LOC400499: variants seen among roughly 807,000 people sequenced by gnomAD.
At chr16:11,389,226 C>T in the LOC400499 span, among the ~76,000 whole-genome samples, 15 of 152,318 alleles carry the variant, frequency 9.8e-5, no homozygotes, top group African/African-American at 2.9e-4. Flanking sequence ...ATGGCCACAC[C>T]GTTTCATAGG....
chr16:11,411,226 G>C, the LOC400499 span: 20 of 399,294 alleles, frequency 5.0e-5, no homozygotes, highest in Admixed American at 7.5e-4. Context: ...TTAGGAGCCA[G>C]GCAGCTGGGG....
chr16:11,408,593 G>A, the LOC400499 span, among the ~76,000 whole-genome samples: 57 of 151,774 alleles, frequency 3.8e-4, no homozygotes, highest in African/African-American at 1.3e-3. Context: ...CAGCCTCCCT[G>A]GTAGCTGAGA....
chr16:11,451,923 C>T, the LOC400499 span, among the ~76,000 whole-genome samples: 7 of 152,116 alleles, frequency 4.6e-5, no homozygotes, highest in African/African-American at 9.7e-5. Flanking sequence ...CCACGGGAAG[C>T]GGGAAGATGG....
the LOC400499 span, among the ~76,000 whole-genome samples, chr16:11,466,371 T>C: frequency 6.7e-6 from 1 of 149,912 alleles, no homozygotes; most frequent in Non-Finnish European, 1.5e-5. Context: ...TCTTTAATTT[T>C]CTTTAATTTT....
At chr16:11,463,488 G>A in the LOC400499 span, among the ~76,000 whole-genome samples, 1 of 152,196 alleles carries the variant, frequency 6.6e-6, no homozygotes, top group East Asian at 1.9e-4. Context: ...ACAGACATGT[G>A]GGTGCATACA....
the LOC400499 span, among the ~76,000 whole-genome samples, chr16:11,511,526 A>G: frequency 6.6e-6 from 1 of 152,236 alleles, no homozygotes; most frequent in African/African-American, 2.4e-5. Context: ...AAAGAAAAAA[A>G]TCCAATTCAT....
At chr16:11,484,243 G>C in the LOC400499 span, among the ~76,000 whole-genome samples, 1 of 151,886 alleles carries the variant, frequency 6.6e-6, no homozygotes, top group East Asian at 1.9e-4. Context: ...TCCTGACCTC[G>C]TGATCCGCCT....
the LOC400499 span, among the ~76,000 whole-genome samples, chr16:11,404,452 T>A: frequency 6.6e-6 from 1 of 152,112 alleles, no homozygotes; most frequent in Non-Finnish European, 1.5e-5. Flanking sequence ...GTTCAAGCGA[T>A]TCTCCTGCCT....
At chr16:11,487,534 C>A in the LOC400499 span, 3 of 395,048 alleles carry the variant, frequency 7.6e-6, no homozygotes, top group Non-Finnish European at 1.3e-5. Context: ...AGCCTTTAAG[C>A]CTTTTCAAGA....
chr16:11,469,817 A>G, the LOC400499 span: 1 of 394,292 alleles, frequency 2.5e-6, no homozygotes, highest in Non-Finnish European at 4.5e-6. Context: ...GCCCAGGACC[A>G]TGTCCACAGG....
chr16:11,383,252 A>G, the LOC400499 span, among the ~76,000 whole-genome samples: 63 of 152,228 alleles, frequency 4.1e-4, no homozygotes, highest in Middle Eastern at 0.02. Context: ...TATTTTTAGT[A>G]GAGACGGGGT....
At chr16:11,483,231 C>T in the LOC400499 span, among the ~76,000 whole-genome samples, 1 of 152,152 alleles carries the variant, frequency 6.6e-6, no homozygotes, top group Non-Finnish European at 1.5e-5. Context: ...ATAGTACAAC[C>T]ACTTGGGAGA....
chr16:11,397,927 T>TA, the LOC400499 span, among the ~76,000 whole-genome samples: 2 of 151,588 alleles, frequency 1.3e-5, no homozygotes, highest in Admixed American at 1.3e-4. Context: ...GAAGGATGCG[T>TA]AAAGGAATGG....
chr16:11,462,413 C>G, the LOC400499 span: 3 of 1,315,990 alleles, frequency 2.3e-6, no homozygotes, highest in South Asian at 6.6e-5. Flanking sequence ...TAACAACCTT[C>G]TACACCGATC....
chr16:11,395,075 T>C, the LOC400499 span, among the ~76,000 whole-genome samples: 1 of 152,220 alleles, frequency 6.6e-6, no homozygotes, highest in South Asian at 2.1e-4. Context: ...CACAATGTGA[T>C]CTTGCCAGGC....
chr16:11,501,494 C>A, the LOC400499 span, among the ~76,000 whole-genome samples: 1 of 152,074 alleles, frequency 6.6e-6, no homozygotes, highest in Non-Finnish European at 1.5e-5. Flanking sequence ...GTAGCTGGGA[C>A]CACAAGTGTT....
chr16:11,454,417 G>A, the LOC400499 span, among the ~76,000 whole-genome samples: 7 of 152,186 alleles, frequency 4.6e-5, no homozygotes, highest in Non-Finnish European at 5.9e-5. Context: ...GAGGTCATAC[G>A]AGAATAGGAC....
chr16:11,445,410 G>A, the LOC400499 span, among the ~76,000 whole-genome samples: 1 of 151,600 alleles, frequency 6.6e-6, no homozygotes, highest in African/African-American at 2.4e-5. Flanking sequence ...GACAGAGTGA[G>A]ACTCTTTCTC....
the LOC400499 span, chr16:11,471,519 A>G: frequency 2.5e-6 from 1 of 398,290 alleles, no homozygotes; most frequent in Non-Finnish European, 4.4e-6. Context: ...AAACGTCCAG[A>G]AGAAACCTAC....
Sources: allele counts gnomAD v4.1 joint callset (sites outside exome capture counted in the v4.1 genomes callset), GRCh38; gene constraint gnomAD v4.1.1; transcripts MANE v1.5.